Variants in AQR observed in about 807,000 individuals in gnomAD.
The protein encoded by AQR is RNA helicase aquarius.
Under a neutral mutation model 180.5 loss-of-function variants are expected in AQR, and 61 were observed. That is an observed-to-expected ratio of 0.34 (90% CI 0.28 to 0.42). The LOEUF (loss-of-function observed/expected upper bound fraction) is 0.42. Ranked by LOEUF, AQR falls within the 10% of genes least tolerant of loss-of-function variation. The pLI, the probability that AQR is intolerant of heterozygous loss-of-function variation, is 1.00. For synonymous variants in AQR, 551 were observed against 588.8 expected (o/e 0.94, Z 0.93); for missense variants, 1,281 against 1,798.3 (o/e 0.71, Z 5.20).
rs1481145563 is a variant in AQR, at chr15:34,853,085, A to G, written c.*3707T>C. The G allele has an allele frequency of 1.3e-5, 2 of 152,294 alleles. No individual in the cohort carries two copies. Among genetic ancestry groups the G allele is most frequent in the East Asian group, 3.9e-4 (2 of 5,180 alleles). The allele number at this position is 152,294 out of a possible 1,614,324, so 9.4% of individuals were successfully genotyped here. ...CGGTGGATGAAGAAAAAATAGTCTC[A>G]CATGTCTTCATTTCCATCCTTGGCT... On this transcript the variant is annotated 3_prime_UTR_variant, in exon 35 of 35. Transcript: ENST00000156471.
intron 16 of AQR, among the ~76,000 whole-genome samples, chr15:34,911,168 C>A (rs1034607337): frequency 1.3e-5 from 2 of 152,162 alleles, no homozygotes; most frequent in Non-Finnish European, 2.9e-5. Context: ...TACACACACA[C>A]CACATTTTCA....
At chr15:34,873,258 C>T (rs559120806) in intron 30 of AQR, among the ~76,000 whole-genome samples, 75 of 152,154 alleles carry the variant, frequency 4.9e-4, no homozygotes, top group Non-Finnish European at 1.0e-3. Flanking sequence ...GAGAACATTG[C>T]TTTTCATACA....
In AQR at chr15:34,960,782, G is replaced by T; in HGVS notation, c.165C>A (p.Val55=). ...VIEDIYEKEI[V]KSRFAIRKIM... is the part of the protein sequence containing the mutation. ...TTTAAATTCATTCCTACCTTGATTT[G>T]ACAATCTCTTTTTCATATATATCTT... Residue 55 remains valine, a synonymous_variant, in exon 3 of 35, where the codon GTC becomes GTA. Coordinates refer to ENST00000156471, the MANE Select transcript of AQR (RefSeq NM_014691.3). 2.2e-6 allele frequency: 2 copies of T among 916,866 alleles called. No individual in the cohort carries two copies. Among genetic ancestry groups the T allele is most frequent in the South Asian group, 3.0e-5 (2 of 65,816 alleles). 56.8% of individuals were successfully genotyped at this position (916,866 alleles called of 1,614,324 possible).
chr15:34,869,511 C>T (rs576133022), intron 31 of AQR: 6 of 152,244 alleles, frequency 3.9e-5, no homozygotes, highest in Admixed American at 1.3e-4. Context: ...AGAATAACAT[C>T]GTTGAGCTAC....
chr15:34,948,375 AAGATACT>A lies in AQR; in HGVS notation c.212_218del (p.Gln71LeufsTer7). The A allele has an allele frequency of 6.2e-7, 1 of 1,612,490 alleles. No homozygotes were observed. ...AATAATTCATCCAGAGATAATTTTC[AAGATACT>A]GGCTGTAAAGAGTAAAAAGCATAGA... On this transcript the variant is annotated frameshift_variant and splice_region_variant, in exon 5 of 35. Transcript: ENST00000156471. LOFTEE classifies it high-confidence loss of function.
At chr15:34,920,477 C>A in intron 13 of AQR, 43 bp from the exon 14 acceptor site, 1 of 1,418,994 alleles carries the variant, frequency 7.0e-7, no homozygotes. Flanking sequence ...TAACTTACTT[C>A]ACTTCACTTT....
intron 32 of AQR, 150 bp downstream of exon 32, chr15:34,867,374 T>C: frequency 1.6e-6 from 1 of 634,322 alleles, no homozygotes; most frequent in South Asian, 1.9e-5. Flanking sequence ...TACAAGGAAT[T>C]TGATGTTACA....
rs1419871821 is a variant in AQR, at chr15:34,907,617, T to TA, written c.1664-906dup. ...GGTTTGTTTTAATTGGGGGACTGGT[T>TA]AGAGTATGGGTAAAGGTAGAAATAA... is the stretch of plus-strand genomic sequence containing the variant. On this transcript the variant is annotated intron_variant, in intron 17 of 34. Transcript: ENST00000156471. Among the ~76,000 whole-genome samples, 9 of 152,232 alleles carry TA rather than the reference T, an allele frequency of 5.9e-5. No homozygotes were observed. The South Asian group carries it at 6.2e-4, about 11-fold the overall frequency.
rs150553657 is a variant in AQR, at chr15:34,946,152, T to C, written c.331-1724A>G. 5.2e-4 allele frequency among the ~76,000 whole-genome samples: 79 copies of C among 152,202 alleles called. 2 individuals carry two copies. In the East Asian group the frequency reaches 6.4e-3, roughly 12 times the overall value. ...TGGGCATGGTGGCGGGCACCTGTAA[T>C]CCCAGCTTCTTGGGAGGCAGAGGCA... On this transcript the variant is annotated intron_variant, in intron 5 of 34. Transcript: ENST00000156471.
chr15:34,928,256 C>T (rs1893794940), intron 12 of AQR, among the ~76,000 whole-genome samples: 1 of 151,562 alleles, frequency 6.6e-6, no homozygotes, highest in Non-Finnish European at 1.5e-5. Flanking sequence ...AAATGGGATA[C>T]ATGTGGAAAT....
chr15:34,964,111 G>A (rs2050297003), intron 2 of AQR, 123 bp downstream of exon 2: 2 of 710,340 alleles, frequency 2.8e-6, no homozygotes, highest in Non-Finnish European at 4.7e-6. Context: ...GCAAAAAATT[G>A]TATTTTTTGT....
chr15:34,903,253 G>A (rs1255276570), intron 19 of AQR, among the ~76,000 whole-genome samples: 1 of 152,160 alleles, frequency 6.6e-6, no homozygotes, highest in Non-Finnish European at 1.5e-5. Context: ...TGATGTTGGA[G>A]AGGACACCAG....
At chr15:34,882,790 C>A in intron 26 of AQR, 151 bp from the exon 27 acceptor site, 1 of 752,894 alleles carries the variant, frequency 1.3e-6, no homozygotes, top group Non-Finnish European at 1.9e-6. Context: ...ATTATGATTT[C>A]GGTACTAATT....
chr15:34,901,317 T>C (rs1443718064), intron 19 of AQR, among the ~76,000 whole-genome samples: 1 of 152,154 alleles, frequency 6.6e-6, no homozygotes, highest in Non-Finnish European at 1.5e-5. Flanking sequence ...CACATTAATG[T>C]ATGCTTCAAT....
chr15:34,950,529 A>AT (rs902273770), intron 4 of AQR, among the ~76,000 whole-genome samples: 4 of 151,930 alleles, frequency 2.6e-5, no homozygotes, highest in South Asian at 2.1e-4. Flanking sequence ...AATTTCAGTG[A>AT]TTTTTTATCT....
chr15:34,938,881 G>A (rs144528903), intron 8 of AQR, 68 bp from the exon 9 acceptor site: 3 of 1,137,092 alleles, frequency 2.6e-6, no homozygotes, highest in Middle Eastern at 2.0e-4. Context: ...AACTTTAAAT[G>A]TTGACCACGG....
chr15:34,891,241 C>T (rs956817523), intron 23 of AQR, among the ~76,000 whole-genome samples: 13 of 152,152 alleles, frequency 8.5e-5, no homozygotes, highest in African/African-American at 3.1e-4. Context: ...CAGTACCCAA[C>T]AGAGCAGATT....
chr15:34,871,020 G>A, intron 30 of AQR, 98 bp from the exon 31 acceptor site: 1 of 1,182,738 alleles, frequency 8.5e-7, no homozygotes, highest in East Asian at 2.4e-5. Flanking sequence ...TGTTCACTTT[G>A]CACACTGCAA....
At chr15:34,957,734 T>A (rs56187708) in intron 3 of AQR, among the ~76,000 whole-genome samples, 86,315 of 143,316 alleles carry the variant, frequency 0.6, 27,967 homozygotes, top group Non-Finnish European at 0.73. Flanking sequence ...AAAATAATAA[T>A]AATAATAATA....
Sources: gnomAD v4.1 joint callset for allele counts (sites outside exome capture counted in the v4.1 genomes callset) on GRCh38, gnomAD v4.1.1 for gene constraint, MANE v1.5 for transcripts, NCBI Gene and HGNC (gene_info 2026-07-23, HGNC 2026-07-21) for gene names.